Variants in ARHGAP35 observed in about 807,000 individuals in gnomAD.
ARHGAP35 encodes the protein Rho GTPase activating protein 35.
A neutral mutation model predicts 111.1 loss-of-function variants in ARHGAP35; 15 were observed. That is an observed-to-expected ratio of 0.13 (90% CI 0.09 to 0.21). The LOEUF (loss-of-function observed/expected upper bound fraction) is 0.21, where lower values mean the gene tolerates loss of function less well. Among genes scored for constraint, ARHGAP35 ranks in the 10% least tolerant of loss-of-function variants. The probability of loss-of-function intolerance (pLI) is 1.00; values close to 1 mark genes in which losing one functional copy is unlikely to be tolerated. For missense variants in ARHGAP35, 1,262 were observed against 1,873.0 expected (o/e 0.67, Z 6.02); for synonymous variants, 643 against 710.3 (o/e 0.91, Z 1.51).
At chr19:46,936,426 G>A (rs1288229188) in intron 2 of ARHGAP35, among the ~76,000 whole-genome samples, 2 of 152,094 alleles carry the variant, frequency 1.3e-5, no homozygotes. Context: ...TTCCTAATGT[G>A]GATGCAACTG....
intron 1 of ARHGAP35, among the ~76,000 whole-genome samples, chr19:46,879,963 G>A (rs890545545): frequency 2.0e-5 from 3 of 151,736 alleles, no homozygotes; most frequent in Non-Finnish European, 4.4e-5. Flanking sequence ...GTATATGCCT[G>A]TAATCCCAGA....
Position 46,921,263 on chromosome 19 carries a change from G to A in ARHGAP35, c.2588G>A (p.Arg863His). ...HGYIVFYSAK[R>H]KASLAMLRAF... ...TACATTGTTTTTTATTCAGCCAAAC[G>A]TAAGGCCTCTTTGGCTATGTTACGT... Residue 863 changes from arginine (R) to histidine (H), a missense_variant, in exon 2 of 7, where the codon CGT becomes CAT. Physicochemically the swap from Arg to His is conservative, Grantham distance 29. Transcript: ENST00000672722. The surrounding 1 kb of genome is among the most constrained non-coding windows in gnomAD (Gnocchi z 4.3). 3 of 1,613,976 alleles carry A rather than the reference G, an allele frequency of 1.9e-6. No individual in the cohort carries two copies. Among genetic ancestry groups the A allele is most frequent in the East Asian group, 2.2e-5 (1 of 44,884 alleles).
Position 46,965,504 on chromosome 19 carries a change from A to C in ARHGAP35, c.3827-22485A>C, listed in dbSNP as rs150109005. 9.8e-3 allele frequency among the ~76,000 whole-genome samples: 1,393 copies of C among 142,796 alleles called. 13 individuals carry two copies. The highest frequency in any genetic ancestry group is 0.026 in the Middle Eastern group (7 of 274). The allele number at this position is 142,796 out of a possible 152,430, so 93.7% of individuals were successfully genotyped here. A position where few individuals can be genotyped will look rare whatever the true frequency, so the allele number is the denominator to read the frequency against. ...TTTGTTTGTTTGTTTGTTTGTTTTG[A>C]GACAGGGTCTCACTTTGTCACCTAG... On this transcript the variant is annotated intron_variant, in intron 3 of 6. Transcript: ENST00000672722.
intron 2 of ARHGAP35, among the ~76,000 whole-genome samples, chr19:46,931,119 C>T (rs1013028886): frequency 6.6e-6 from 1 of 152,166 alleles, no homozygotes; most frequent in African/African-American, 2.4e-5. Flanking sequence ...AGCCTCACCT[C>T]CTCACACACT....
At chr19:46,906,556 A>G (rs1367311534) in intron 1 of ARHGAP35, among the ~76,000 whole-genome samples, 1 of 152,220 alleles carries the variant, frequency 6.6e-6, no homozygotes, top group Non-Finnish European at 1.5e-5. Flanking sequence ...GTACGATTTG[A>G]ACAACTATAA....
chr19:46,963,895 T>A (rs1053779812), intron 3 of ARHGAP35, among the ~76,000 whole-genome samples: 9 of 152,320 alleles, frequency 5.9e-5, no homozygotes, highest in Admixed American at 3.3e-4. Flanking sequence ...TGAGATGGAA[T>A]CTTGCTCTGT....
At position 46,919,845 on chromosome 19, in the gene ARHGAP35, C is replaced by T; in HGVS notation, c.1170C>T (p.Ala390=). 6.2e-7 allele frequency: 1 copy of T among 1,613,986 alleles called. No individual in the cohort carries two copies. Among genetic ancestry groups the T allele is most frequent in the East Asian group, 2.2e-5 (1 of 44,888 alleles). Reference sequence around the variant, plus strand: ...TGCTTGAAGAGACCCCATGGGATGCCACCAGTCACATTGACAACATGGAAA... The same window carrying T: ...TGCTTGAAGAGACCCCATGGGATGCTACCAGTCACATTGACAACATGGAAA... ...FVVLEETPWD[A]TSHIDNMENE... The change falls in exon 2 of 7, where the codon GCC becomes GCT. Residue 390 remains alanine (A), a synonymous_variant. Transcript: ENST00000672722. The surrounding 1 kb of genome is among the most constrained non-coding windows in gnomAD (Gnocchi z 6.2).
chr19:46,947,162 T>C (rs2056384522), intron 3 of ARHGAP35: 2 of 152,132 alleles, frequency 1.3e-5, no homozygotes, highest in South Asian at 4.1e-4. Context: ...TTTGTGGGGG[T>C]GGATGGCAGA....
chr19:46,943,897 A>G (rs1041619991), intron 3 of ARHGAP35, among the ~76,000 whole-genome samples: 3 of 152,164 alleles, frequency 2.0e-5, no homozygotes, highest in Non-Finnish European at 2.9e-5. Context: ...GGGAGTGGAG[A>G]AGATGAGCGA....
In ARHGAP35 at chr19:46,970,147, T is replaced by C. The variant is rs369815510; in HGVS notation, c.3827-17842T>C. Among the ~76,000 whole-genome samples the C allele has an allele frequency of 1.2e-3, 188 of 152,362 alleles. 6 individuals are homozygous for C. The South Asian group carries it at 0.037, about 30-fold the overall frequency. ...AAGTCATGGGGTGCAGGGTGAATTCTTGGGGCTTGATCACTTCAAGATCTC... is the reference window on the plus strand; with the variant it reads ...AAGTCATGGGGTGCAGGGTGAATTCCTGGGGCTTGATCACTTCAAGATCTC... On this transcript the variant is annotated intron_variant, in intron 3 of 6. Coordinates refer to ENST00000672722, the MANE Select transcript of ARHGAP35 (RefSeq NM_004491.5).
At chr19:46,867,773 GTTGTTT>G (rs2055866465) in intron 1 of ARHGAP35, among the ~76,000 whole-genome samples, 1 of 151,362 alleles carries the variant, frequency 6.6e-6, no homozygotes, top group South Asian at 2.1e-4. Context: ...TGTTGTTGTT[GTTGTTT>G]TTTTTTTGGA....
At chr19:46,979,579 G>T (rs1250332279) in intron 3 of ARHGAP35, among the ~76,000 whole-genome samples, 2 of 152,204 alleles carry the variant, frequency 1.3e-5, no homozygotes, top group Non-Finnish European at 2.9e-5. Context: ...GGCAGCAAAT[G>T]CATAGGCAGC....
chr19:47,001,711 C>T lies in ARHGAP35; in HGVS notation c.*1023C>T, dbSNP rs1321713099. 3 of 327,278 alleles carry T rather than the reference C, an allele frequency of 9.2e-6. No individual in the cohort carries two copies. Among genetic ancestry groups the T allele is most frequent in the South Asian group, 5.2e-5 (2 of 38,388 alleles). 20.3% of individuals were successfully genotyped at this position (327,278 alleles called of 1,614,324 possible). ...AACACAGTCCATTACGATAGAAACA[C>T]TAATTGAGCATGTGCGTGGGGTGGG... On this transcript the variant is annotated 3_prime_UTR_variant, in exon 7 of 7. Coordinates refer to ENST00000672722, the MANE Select transcript of ARHGAP35 (RefSeq NM_004491.5). The surrounding 1 kb of genome is among the most constrained non-coding windows in gnomAD (Gnocchi z 5.4).
At chr19:46,940,399 G>A (rs531093959) in intron 3 of ARHGAP35, among the ~76,000 whole-genome samples, 120 of 149,528 alleles carry the variant, frequency 8.0e-4, no homozygotes, top group African/African-American at 2.7e-3. Context: ...ATGGTGGCAC[G>A]CACCTGTAGT....
chr19:46,878,421 A>G (rs2055938688), intron 1 of ARHGAP35, among the ~76,000 whole-genome samples: 1 of 152,038 alleles, frequency 6.6e-6, no homozygotes, highest in South Asian at 2.1e-4. Context: ...GGTTCAAGCA[A>G]TTCTTGTGCC....
At chr19:46,966,947 CACTGGATTCTCTA>C (rs1272770789) in intron 3 of ARHGAP35, among the ~76,000 whole-genome samples, 2 of 152,156 alleles carry the variant, frequency 1.3e-5, no homozygotes, top group Non-Finnish European at 2.9e-5. Flanking sequence ...CTTAAAGATA[CACTGGATTCTCTA>C]ACAGGATGGG....
rs1198888481 is a variant in ARHGAP35, at chr19:46,994,731, G to A, written c.4037-4573G>A. Among the ~76,000 whole-genome samples, 1 of 152,136 alleles carries A rather than the reference G, an allele frequency of 6.6e-6. No homozygotes were observed. Among genetic ancestry groups the A allele is most frequent in the Non-Finnish European group, 1.5e-5 (1 of 68,032 alleles). On this transcript the variant is annotated intron_variant, in intron 5 of 6. Transcript: ENST00000672722. The surrounding 1 kb of genome is among the most constrained non-coding windows in gnomAD (Gnocchi z 5.4). ...TAGACCGTAAGCGGCAGGGAATTTGGTTTTTGTCCCCTACTGCATCCCCAG... is the reference window on the plus strand; with the variant it reads ...TAGACCGTAAGCGGCAGGGAATTTGATTTTTGTCCCCTACTGCATCCCCAG...
Position 46,988,102 on chromosome 19 carries a change from G to A in ARHGAP35, c.3904+36G>A. ...GCCTGGCCAGGCATCCGAGGCCAGA[G>A]CTGGTCAAGGCAGACACAGCTGCCT... On this transcript the variant is annotated intron_variant, in intron 4 of 6. Coordinates refer to ENST00000672722, the MANE Select transcript of ARHGAP35 (RefSeq NM_004491.5). This position sits in a 1 kb window ranked among gnomAD's most constrained non-coding sequence, Gnocchi z 5.4. 2 of 1,595,264 alleles carry A rather than the reference G, an allele frequency of 1.3e-6. No individual in the cohort carries two copies. The highest frequency in any genetic ancestry group is 1.7e-6 in the Non-Finnish European group (2 of 1,166,488).
At chr19:46,878,553 A>C (rs1021538171) in intron 1 of ARHGAP35, among the ~76,000 whole-genome samples, 1 of 152,172 alleles carries the variant, frequency 6.6e-6, no homozygotes, top group African/African-American at 2.4e-5. Flanking sequence ...TCTTAGCCTC[A>C]AGTGATTTGC....
Sources: allele counts gnomAD v4.1 joint callset (sites outside exome capture counted in the v4.1 genomes callset), GRCh38; gene constraint gnomAD v4.1.1; non-coding constraint Gnocchi (gnomAD v3.1); transcripts MANE v1.5; gene names NCBI Gene and HGNC (gene_info 2026-07-23, HGNC 2026-07-21).